RHOJ: variants seen among roughly 807,000 people sequenced by gnomAD.
RHOJ encodes rho-related GTP-binding protein RhoJ.
Under a neutral mutation model 23.4 loss-of-function variants are expected in RHOJ, and 11 were observed. That is an observed-to-expected ratio of 0.47 (90% CI 0.30 to 0.78). The LOEUF (loss-of-function observed/expected upper bound fraction) is 0.78. RHOJ is among the 30% of genes least tolerant of loss of function. The probability of loss-of-function intolerance (pLI) is 0.08; values close to 1 mark genes in which losing one functional copy is unlikely to be tolerated. For synonymous variants in RHOJ, 102 were observed against 102.7 expected, an observed-to-expected ratio of 0.99 and a Z score of 0.04; for missense variants, 254 against 273.4, an observed-to-expected ratio of 0.93 and a Z score of 0.50.
chr14:63,209,191 A>T (rs568915724), intron 1 of RHOJ, among the ~76,000 whole-genome samples: 1 of 152,178 alleles, frequency 6.6e-6, no homozygotes, highest in African/African-American at 2.4e-5. Flanking sequence ...TCAATTCCCA[A>T]TTCCCTACTT....
intron 2 of RHOJ, among the ~76,000 whole-genome samples, chr14:63,278,130 T>C (rs564009533): frequency 6.6e-6 from 1 of 151,894 alleles, no homozygotes; most frequent in South Asian, 2.1e-4. Flanking sequence ...TTAGCCACAA[T>C]AGTGGGGGTT....
intron 1 of RHOJ, among the ~76,000 whole-genome samples, chr14:63,257,822 C>T (rs945539698): frequency 2.0e-5 from 3 of 149,492 alleles, no homozygotes; most frequent in Non-Finnish European, 4.5e-5. Context: ...CCTTGCTCCA[C>T]GGGGACAGAG....
At chr14:63,283,238 A>G in intron 4 of RHOJ, 22 bp downstream of exon 4, 2 of 1,568,510 alleles carry the variant, frequency 1.3e-6, no homozygotes, top group Non-Finnish European at 1.8e-6. Context: ...TTTGAATTTC[A>G]TTTTAAATGT....
At chr14:63,237,403 C>CA (rs1894809194) in intron 1 of RHOJ, among the ~76,000 whole-genome samples, 1 of 152,100 alleles carries the variant, frequency 6.6e-6, no homozygotes, top group African/African-American at 2.4e-5. Flanking sequence ...GTACTCTGCA[C>CA]AACACTTGAA....
At chr14:63,286,998 A>G (rs1331405230) in intron 4 of RHOJ, among the ~76,000 whole-genome samples, 1 of 152,142 alleles carries the variant, frequency 6.6e-6, no homozygotes, top group Non-Finnish European at 1.5e-5. Flanking sequence ...TAATTCTCAA[A>G]TGAGGAATAC....
chr14:63,283,353 C>T (rs922120678), intron 4 of RHOJ, 137 bp downstream of exon 4: 35 of 731,950 alleles, frequency 4.8e-5, no homozygotes, highest in Middle Eastern at 5.1e-4. Context: ...TTTCTATTCT[C>T]CCCCTCTGTT....
intron 1 of RHOJ, among the ~76,000 whole-genome samples, chr14:63,255,008 C>T (rs1206135431): frequency 6.6e-6 from 1 of 152,160 alleles, no homozygotes; most frequent in African/African-American, 2.4e-5. Context: ...CACTTCCCTC[C>T]CTTTACTCAC....
At chr14:63,280,913 A>G in intron 2 of RHOJ, 58 bp from the exon 3 acceptor site, 2 of 1,499,898 alleles carry the variant, frequency 1.3e-6, no homozygotes, top group Non-Finnish European at 1.8e-6. Flanking sequence ...CTGACCTTGG[A>G]ACTACATGGG....
intron 1 of RHOJ, among the ~76,000 whole-genome samples, chr14:63,248,439 T>C (rs1400598967): frequency 6.6e-6 from 1 of 152,176 alleles, no homozygotes; most frequent in African/African-American, 2.4e-5. Context: ...CTGCCAGATT[T>C]ATTATTTATT....
At chr14:63,220,521 C>T (rs942709613) in intron 1 of RHOJ, among the ~76,000 whole-genome samples, 1 of 151,798 alleles carries the variant, frequency 6.6e-6, no homozygotes, top group East Asian at 1.9e-4. Flanking sequence ...AAACAAAATT[C>T]AGGTCTCAGA....
At chr14:63,213,726 A>G (rs1353149278) in intron 1 of RHOJ, among the ~76,000 whole-genome samples, 2 of 152,128 alleles carry the variant, frequency 1.3e-5, no homozygotes, top group African/African-American at 2.4e-5. Context: ...GGTTGGTGAG[A>G]TAGTTCTGTT....
chr14:63,214,712 T>C (rs530798223), intron 1 of RHOJ, among the ~76,000 whole-genome samples: 1 of 151,380 alleles, frequency 6.6e-6, no homozygotes, highest in African/African-American at 2.4e-5. Context: ...CCTCAGGGAG[T>C]CAGACTAGAG....
chr14:63,240,420 C>A (rs192476916), intron 1 of RHOJ, among the ~76,000 whole-genome samples: 3 of 152,156 alleles, frequency 2.0e-5, no homozygotes, highest in Non-Finnish European at 4.4e-5. Context: ...GGAATTATAG[C>A]CTCATTCCTG....
At chr14:63,255,911 G>C (rs181838462) in intron 1 of RHOJ, among the ~76,000 whole-genome samples, 5 of 151,798 alleles carry the variant, frequency 3.3e-5, no homozygotes, top group African/African-American at 9.7e-5. Flanking sequence ...CTAGGCTGGA[G>C]TGCATGGAGT....
intron 1 of RHOJ, among the ~76,000 whole-genome samples, chr14:63,260,648 A>G (rs180807572): frequency 6.6e-6 from 1 of 152,324 alleles, no homozygotes; most frequent in East Asian, 1.9e-4. Context: ...ATCTCCTGCT[A>G]TCTGCACATT....
chr14:63,275,796 GTAGCCGCT>G (rs1881698973), intron 2 of RHOJ, among the ~76,000 whole-genome samples: 1 of 152,102 alleles, frequency 6.6e-6, no homozygotes, highest in Non-Finnish European at 1.5e-5. Context: ...TCCACTTCTC[GTAGCCGCT>G]TGACATCATC....
chr14:63,216,886 C>A (rs1375643508), intron 1 of RHOJ, among the ~76,000 whole-genome samples: 1 of 152,082 alleles, frequency 6.6e-6, no homozygotes, highest in African/African-American at 2.4e-5. Flanking sequence ...ATCTGTCAGG[C>A]TGGTTAGAGC....
intron 4 of RHOJ, among the ~76,000 whole-genome samples, chr14:63,283,534 AG>A (rs1275327400): frequency 6.6e-6 from 1 of 152,324 alleles, no homozygotes; most frequent in East Asian, 1.9e-4. Context: ...GGGAGTCGTT[AG>A]ATATATATTT....
At chr14:63,225,822 C>G (rs1382180978) in intron 1 of RHOJ, among the ~76,000 whole-genome samples, 1 of 152,080 alleles carries the variant, frequency 6.6e-6, no homozygotes, top group African/African-American at 2.4e-5. Flanking sequence ...AGGACTACAA[C>G]CCATGTATAT....
Sources: allele counts gnomAD v4.1 joint callset (sites outside exome capture counted in the v4.1 genomes callset), GRCh38; gene constraint gnomAD v4.1.1; transcripts MANE v1.5; gene names NCBI Gene and HGNC (gene_info 2026-07-23, HGNC 2026-07-21).